Variants in EXOC6B observed in about 807,000 individuals in gnomAD.
The protein encoded by EXOC6B is exocyst complex component 6B.
Under a neutral mutation model 113.5 loss-of-function variants are expected in EXOC6B, and 54 were observed. The ratio of observed to expected loss-of-function variants is 0.48; its 90% CI spans 0.38 to 0.60. The LOEUF (loss-of-function observed/expected upper bound fraction) is 0.60. Among genes scored for constraint, EXOC6B ranks in the 20% least tolerant of loss-of-function variants. The pLI, the probability that EXOC6B is intolerant of heterozygous loss-of-function variation, is 0.00. For missense variants in EXOC6B, 797 were observed against 977.5 expected (o/e 0.82, Z 2.46); for synonymous variants, 357 against 339.0 (o/e 1.05, Z -0.58).
At chr2:72,182,911 G>A (rs1319214899) in intron 21 of EXOC6B, 26 of 1,231,130 alleles carry the variant, frequency 2.1e-5, no homozygotes. Context: ...ATATCCTAGG[G>A]CGGAAGGTCA....
intron 20 of EXOC6B, among the ~76,000 whole-genome samples, chr2:72,326,244 C>CT (rs1350752043): frequency 1.3e-5 from 2 of 152,122 alleles, no homozygotes; most frequent in Non-Finnish European, 2.9e-5. Context: ...AATGACTCTC[C>CT]TGTCCCTTCT....
intron 15 of EXOC6B, among the ~76,000 whole-genome samples, chr2:72,494,435 A>T (rs1223915695): frequency 6.6e-6 from 1 of 152,116 alleles, no homozygotes; most frequent in Non-Finnish European, 1.5e-5. Context: ...AAACAATTTC[A>T]TTTTCAGAGA....
chr2:72,765,268 C>T (rs1682991124), intron 1 of EXOC6B, among the ~76,000 whole-genome samples: 1 of 152,076 alleles, frequency 6.6e-6, no homozygotes, highest in South Asian at 2.1e-4. Context: ...GCCAGGGCAA[C>T]AGAGCAACAC....
intron 18 of EXOC6B, among the ~76,000 whole-genome samples, chr2:72,413,755 C>G (rs1029000873): frequency 6.6e-6 from 1 of 152,048 alleles, no homozygotes; most frequent in African/African-American, 2.4e-5. Context: ...TCTCGAACTC[C>G]TGGCCTCAAG....
Position 72,631,457 on chromosome 2 carries a change from TATATAGAGAGAGAGAGAGAGAGAGAG to T in EXOC6B, c.670-55815_670-55790del, listed in dbSNP as rs1473263052. Among the ~76,000 whole-genome samples the T allele has an allele frequency of 9.5e-3, 101 of 10,614 alleles. 2 individuals carry two copies. Among genetic ancestry groups the T allele is most frequent in the African/African-American group, 0.02 (85 of 4,226 alleles). The allele number at this position is 10,614 out of a possible 152,430, so 7.0% of individuals were successfully genotyped here. A position where few individuals can be genotyped will look rare whatever the true frequency, so the allele number is the denominator to read the frequency against. On this transcript the variant is annotated intron_variant, in intron 6 of 21. Transcript: ENST00000272427. Reference sequence around the variant, plus strand: ...ATATATATATATATATATATATATATATATAGAGAGAGAGAGAGAGAGAGAGAGAGAGAGAGAGAGAGAGAGAGAGA... The same window carrying T: ...ATATATATATATATATATATATATATAGAGAGAGAGAGAGAGAGAGAGAGA...
At chr2:72,352,736 T>C (rs1465618798) in intron 19 of EXOC6B, among the ~76,000 whole-genome samples, 1 of 151,808 alleles carries the variant, frequency 6.6e-6, no homozygotes, top group Admixed American at 6.6e-5. Flanking sequence ...TAATCATTTT[T>C]TTTTTTTTGA....
At chr2:72,625,409 C>T (rs1421076245) in intron 6 of EXOC6B, among the ~76,000 whole-genome samples, 2 of 152,042 alleles carry the variant, frequency 1.3e-5, no homozygotes, top group East Asian at 3.9e-4. Flanking sequence ...GTCCAGAACC[C>T]TCAAAACAGC....
intron 20 of EXOC6B, among the ~76,000 whole-genome samples, chr2:72,321,797 T>A (rs970343965): frequency 6.6e-6 from 1 of 152,170 alleles, no homozygotes; most frequent in Non-Finnish European, 1.5e-5. Context: ...TATTCTGTGA[T>A]CTTGGTAGTG....
At chr2:72,797,020 G>C (rs186445728) in intron 1 of EXOC6B, among the ~76,000 whole-genome samples, 1 of 152,356 alleles carries the variant, frequency 6.6e-6, no homozygotes, top group Admixed American at 6.5e-5. Flanking sequence ...GAGGCACAGA[G>C]TAAATTAAGC....
intron 6 of EXOC6B, among the ~76,000 whole-genome samples, chr2:72,701,397 A>C (rs1311081946): frequency 1.3e-5 from 2 of 152,092 alleles, no homozygotes; most frequent in Non-Finnish European, 1.5e-5. Context: ...TGGGATTTCA[A>C]AGATAAATTG....
chr2:72,408,390 A>G (rs1257459328), intron 18 of EXOC6B, among the ~76,000 whole-genome samples: 1 of 152,184 alleles, frequency 6.6e-6, no homozygotes, highest in East Asian at 1.9e-4. Flanking sequence ...GGAACCAAAA[A>G]AGAGCCCACA....
intron 1 of EXOC6B, among the ~76,000 whole-genome samples, chr2:72,795,183 G>T (rs1240836678): frequency 6.6e-6 from 1 of 152,140 alleles, no homozygotes; most frequent in African/African-American, 2.4e-5. Context: ...CAGAGGTTAG[G>T]CCAGGGCTAG....
chr2:72,201,886 T>C (rs926403521), intron 20 of EXOC6B, among the ~76,000 whole-genome samples: 2 of 152,182 alleles, frequency 1.3e-5, no homozygotes. Context: ...ACTGAATTTA[T>C]TGAATTCAGC....
At chr2:72,347,243 A>G (rs543702863) in intron 19 of EXOC6B, among the ~76,000 whole-genome samples, 3 of 152,196 alleles carry the variant, frequency 2.0e-5, no homozygotes, top group Admixed American at 6.6e-5. Flanking sequence ...GCTTCTGTGC[A>G]TAATCTCTAG....
intron 18 of EXOC6B, chr2:72,464,275 G>A (rs1697896348): frequency 6.6e-6 from 1 of 152,146 alleles, no homozygotes; most frequent in Non-Finnish European, 1.5e-5. Flanking sequence ...TAAAACGAAA[G>A]AGTACAGGAG....
At chr2:72,326,089 TG>T (rs1275470213) in intron 20 of EXOC6B, among the ~76,000 whole-genome samples, 2 of 152,086 alleles carry the variant, frequency 1.3e-5, no homozygotes, top group Non-Finnish European at 2.9e-5. Flanking sequence ...GGCTTTTCCT[TG>T]GCCTGTAAGG....
intron 8 of EXOC6B, among the ~76,000 whole-genome samples, chr2:72,530,154 A>G (rs1011368827): frequency 2.0e-5 from 3 of 151,974 alleles, no homozygotes; most frequent in African/African-American, 7.3e-5. Context: ...TTATTCTTCC[A>G]TTCATTCTAC....
At chr2:72,424,766 T>C (rs1484558024) in intron 18 of EXOC6B, among the ~76,000 whole-genome samples, 1 of 152,232 alleles carries the variant, frequency 6.6e-6, no homozygotes, top group Non-Finnish European at 1.5e-5. Context: ...GAAACATATC[T>C]AATTATCAGG....
intron 5 of EXOC6B, among the ~76,000 whole-genome samples, chr2:72,728,750 G>A (rs975665237): frequency 5.9e-5 from 9 of 152,050 alleles, no homozygotes; most frequent in African/African-American, 2.2e-4. Flanking sequence ...AAGTCACATG[G>A]AACTGGGAAC....
Sources: allele counts gnomAD v4.1 joint callset (sites outside exome capture counted in the v4.1 genomes callset), GRCh38; gene constraint gnomAD v4.1.1; transcripts MANE v1.5; gene names NCBI Gene and HGNC (gene_info 2026-07-23, HGNC 2026-07-21).